MAPK4: variants seen among roughly 807,000 people sequenced by gnomAD.
The protein encoded by MAPK4 is mitogen-activated protein kinase 4.
In MAPK4, 22 loss-of-function variants were observed where a neutral mutation model predicts 47.7. The ratio of observed to expected loss-of-function variants is 0.46; its 90% CI spans 0.33 to 0.66. The LOEUF is 0.66. Among genes scored for constraint, MAPK4 ranks in the 30% least tolerant of loss-of-function variants. The pLI is 0.02. For missense variants in MAPK4, 736 were observed against 831.7 expected (o/e 0.88, Z 1.42); for synonymous variants, 390 against 365.7 (o/e 1.07, Z -0.76).
rs2043115690 is a variant in MAPK4, at chr18:50,656,892, C to A, written c.-870-6197C>A. Among the ~76,000 whole-genome samples the A allele has an allele frequency of 2.0e-5, 3 of 152,232 alleles. No individual in the cohort carries two copies. In the East Asian group the frequency reaches 5.8e-4, roughly 29 times the overall value. On this transcript the variant is annotated intron_variant, in intron 1 of 5. Transcript: ENST00000400384. ...CAAGTTACTGTCAGATCATCTCAGC[C>A]TCAAGTAAAAAAAAATGTAAAAGTC...
intron 1 of MAPK4, among the ~76,000 whole-genome samples, chr18:50,589,399 A>G (rs556602948): frequency 6.6e-6 from 1 of 152,310 alleles, no homozygotes; most frequent in South Asian, 2.1e-4. Context: ...GATCGAGACC[A>G]TCCTGGCTAA....
chr18:50,576,281 T>G (rs1057253576), intron 1 of MAPK4, among the ~76,000 whole-genome samples: 1 of 152,192 alleles, frequency 6.6e-6, no homozygotes, highest in Admixed American at 6.5e-5. Context: ...ACATGGTACA[T>G]GTACACCATG....
At chr18:50,618,100 G>A (rs546482170) in intron 1 of MAPK4, among the ~76,000 whole-genome samples, 5 of 152,012 alleles carry the variant, frequency 3.3e-5, no homozygotes, top group South Asian at 2.1e-4. Context: ...TTTTTTAACC[G>A]TCTGGATCAA....
intron 1 of MAPK4, among the ~76,000 whole-genome samples, chr18:50,569,649 T>G (rs1310753596): frequency 6.6e-6 from 1 of 152,178 alleles, no homozygotes; most frequent in African/African-American, 2.4e-5. Context: ...CGCTTATCAC[T>G]AAAGATAGAA....
chr18:50,723,864 CA>C (rs34529419), intron 4 of MAPK4, among the ~76,000 whole-genome samples: 49,155 of 131,916 alleles, frequency 0.37, 9,019 homozygotes, highest in Non-Finnish European at 0.47. Flanking sequence ...GACCCTGTCT[CA>C]AAAAAAAAAA....
chr18:50,727,103 G>C (rs570000542), intron 5 of MAPK4, among the ~76,000 whole-genome samples: 1 of 152,340 alleles, frequency 6.6e-6, no homozygotes, highest in Admixed American at 6.5e-5. Flanking sequence ...TTGGGTAGAA[G>C]ATGTATTTTT....
intron 2 of MAPK4, among the ~76,000 whole-genome samples, chr18:50,698,251 G>A (rs1310749744): frequency 6.6e-6 from 1 of 152,094 alleles, no homozygotes; most frequent in Non-Finnish European, 1.5e-5. Context: ...CATTCAAACA[G>A]CCCTAAATTA....
At chr18:50,712,919 C>T (rs564431075) in intron 2 of MAPK4, among the ~76,000 whole-genome samples, 2 of 152,268 alleles carry the variant, frequency 1.3e-5, no homozygotes, top group African/African-American at 4.8e-5. Flanking sequence ...CTTCTACAGA[C>T]AGTATTTGGC....
chr18:50,643,644 G>A (rs1305611523), intron 1 of MAPK4, among the ~76,000 whole-genome samples: 3 of 152,206 alleles, frequency 2.0e-5, no homozygotes, highest in Non-Finnish European at 4.4e-5. Flanking sequence ...GGAGATGGGA[G>A]GGAGAAGGAA....
intron 5 of MAPK4, among the ~76,000 whole-genome samples, chr18:50,727,514 T>A (rs572954762): frequency 6.6e-6 from 1 of 152,356 alleles, no homozygotes; most frequent in Non-Finnish European, 1.5e-5. Context: ...ATGAAGACTC[T>A]GTCTTCTGCC....
intron 2 of MAPK4, among the ~76,000 whole-genome samples, chr18:50,706,562 G>A (rs771629464): frequency 1.3e-5 from 2 of 152,088 alleles, no homozygotes; most frequent in African/African-American, 2.4e-5. Context: ...CAGCGTGACA[G>A]ATGTCTATTT....
intron 1 of MAPK4, among the ~76,000 whole-genome samples, chr18:50,590,900 T>A (rs1044791733): frequency 2.0e-5 from 3 of 152,196 alleles, no homozygotes; most frequent in African/African-American, 7.2e-5. Context: ...TTAGGAAAGG[T>A]TAGTTCTCTT....
At chr18:50,719,195 C>T (rs1237332185) in intron 3 of MAPK4, among the ~76,000 whole-genome samples, 1 of 152,042 alleles carries the variant, frequency 6.6e-6, no homozygotes, top group African/African-American at 2.4e-5. Context: ...TCTTCATTTG[C>T]CCCCTGGACT....
intron 1 of MAPK4, among the ~76,000 whole-genome samples, chr18:50,646,091 A>T (rs1045092683): frequency 6.6e-6 from 1 of 152,242 alleles, no homozygotes; most frequent in Admixed American, 6.5e-5. Flanking sequence ...ATTCCAGCTA[A>T]CAGGCGAGGA....
chr18:50,651,816 G>T (rs370683396), intron 1 of MAPK4, among the ~76,000 whole-genome samples: 6 of 152,116 alleles, frequency 3.9e-5, no homozygotes, highest in African/African-American at 1.4e-4. Flanking sequence ...TGATGCTCCC[G>T]CCAGTCTCCA....
chr18:50,724,160 C>T (rs568914108), intron 4 of MAPK4, among the ~76,000 whole-genome samples: 6 of 152,114 alleles, frequency 3.9e-5, no homozygotes, highest in African/African-American at 9.7e-5. Context: ...CACAAGCATG[C>T]GCCACCTTGG....
At chr18:50,617,085 A>G (rs1182786367) in intron 1 of MAPK4, among the ~76,000 whole-genome samples, 2 of 152,152 alleles carry the variant, frequency 1.3e-5, no homozygotes, top group Non-Finnish European at 2.9e-5. Flanking sequence ...GTAAGGCTTT[A>G]TGTTTCTTTG....
rs1370111019 is a variant in MAPK4, at chr18:50,729,639, C to G, written c.1549C>G (p.Arg517Gly). The G allele has an allele frequency of 6.7e-7, 1 of 1,484,268 alleles. No homozygotes were observed. The highest frequency in any genetic ancestry group is 9.0e-7 in the Non-Finnish European group (1 of 1,115,162). 91.9% of individuals were successfully genotyped at this position (1,484,268 alleles called of 1,614,324 possible). The change falls in exon 6 of 6, where the codon CGC becomes GGC. Residue 517 changes from arginine to glycine, a missense_variant. Physicochemically the swap from Arg to Gly is moderately radical, Grantham distance 125. This residue lies in a region of MAPK4 where 377 missense variants were observed against 378.6 expected (regional missense o/e 1.00). Transcript: ENST00000400384. ...CCCGCCCGCCGACGACCCCGAGCGCCGCTTGTCTGCCTCGCCCCCCGGCCG... is the reference window on the plus strand; with the variant it reads ...CCCGCCCGCCGACGACCCCGAGCGCGGCTTGTCTGCCTCGCCCCCCGGCCG... ...ASPPADDPERRLSASPPGRPA... is the reference protein window; with the variant it reads ...ASPPADDPERGLSASPPGRPA...
At chr18:50,672,912 C>G (rs904355383) in intron 2 of MAPK4, among the ~76,000 whole-genome samples, 1 of 152,210 alleles carries the variant, frequency 6.6e-6, no homozygotes, top group Admixed American at 6.5e-5. Context: ...TGCTGCTTCC[C>G]TCATATCAAA....
Sources: gnomAD v4.1 joint callset for allele counts (sites outside exome capture counted in the v4.1 genomes callset) on GRCh38, gnomAD v4.1.1 for gene constraint, gnomAD v4.1.1 regional missense constraint, MANE v1.5 for transcripts, NCBI Gene and HGNC (gene_info 2026-07-23, HGNC 2026-07-21) for gene names.